The following RAPGEF5 variants were observed in gnomAD, a reference collection of about 807,000 sequenced individuals.
RAPGEF5 encodes M-Ras-regulated GEF.
In RAPGEF5, 65 loss-of-function variants were observed where a neutral mutation model predicts 125.2. That is an observed-to-expected ratio of 0.52 (90% CI 0.43 to 0.64). RAPGEF5 has a LOEUF of 0.64. RAPGEF5 is among the 30% of genes least tolerant of loss of function. The probability of loss-of-function intolerance (pLI) is 0.00; values close to 1 mark genes in which losing one functional copy is unlikely to be tolerated. For synonymous variants in RAPGEF5, 391 were observed against 385.9 expected, an observed-to-expected ratio of 1.01 and a Z score of -0.16; for missense variants, 958 against 1,048.1, an observed-to-expected ratio of 0.91 and a Z score of 1.19.
At chr7:22,148,356 T>C (rs536531212) in intron 18 of RAPGEF5, among the ~76,000 whole-genome samples, 6 of 152,346 alleles carry the variant, frequency 3.9e-5, no homozygotes, top group Middle Eastern at 3.4e-3. Context: ...CTCTATTTAT[T>C]CAAGGTTAAA....
chr7:22,337,516 C>T (rs904848141), intron 1 of RAPGEF5, among the ~76,000 whole-genome samples: 1 of 152,142 alleles, frequency 6.6e-6, no homozygotes, highest in East Asian at 1.9e-4. Flanking sequence ...CCCTCATAAT[C>T]CTAAACTTGT....
intron 8 of RAPGEF5, among the ~76,000 whole-genome samples, chr7:22,220,935 G>A (rs528208506): frequency 3.3e-5 from 5 of 152,190 alleles, no homozygotes; most frequent in South Asian, 2.1e-4. Flanking sequence ...CAAAGGGGCC[G>A]GCAAAGAATC....
intron 5 of RAPGEF5, among the ~76,000 whole-genome samples, chr7:22,303,874 C>T (rs1037156969): frequency 6.6e-6 from 1 of 152,182 alleles, no homozygotes; most frequent in Non-Finnish European, 1.5e-5. Flanking sequence ...GGGGCTTCCC[C>T]TTGAGGGCTG....
At chr7:22,339,099 G>A (rs1032015023) in intron 1 of RAPGEF5, among the ~76,000 whole-genome samples, 45 of 152,258 alleles carry the variant, frequency 3.0e-4, no homozygotes, top group African/African-American at 1.0e-3. Flanking sequence ...GGGAACACTC[G>A]ACTGGTAAGA....
chr7:22,125,025 T>C (rs775721680), intron 25 of RAPGEF5, among the ~76,000 whole-genome samples: 7 of 152,174 alleles, frequency 4.6e-5, no homozygotes, highest in Non-Finnish European at 1.0e-4. Context: ...ATAGTATAAA[T>C]TATGGCTGAG....
intron 1 of RAPGEF5, among the ~76,000 whole-genome samples, chr7:22,355,731 C>A (rs1363842036): frequency 1.3e-5 from 2 of 152,116 alleles, no homozygotes; most frequent in Non-Finnish European, 2.9e-5. Flanking sequence ...AAGCTGAAGA[C>A]CGACATCAGT....
chr7:22,339,687 T>C (rs1053654775), intron 1 of RAPGEF5, among the ~76,000 whole-genome samples: 6 of 152,236 alleles, frequency 3.9e-5, no homozygotes, highest in Non-Finnish European at 8.8e-5. Context: ...CTTTGTCTTG[T>C]GTTTAGCCTT....
At chr7:22,136,214 A>C in intron 22 of RAPGEF5, 89 bp from the exon 23 acceptor site, 1 of 943,920 alleles carries the variant, frequency 1.1e-6, no homozygotes, top group East Asian at 2.5e-5. Flanking sequence ...CAATTTGAAC[A>C]TAACTTAGAT....
At chr7:22,280,536 A>G (rs1399109557) in intron 6 of RAPGEF5, among the ~76,000 whole-genome samples, 1 of 152,200 alleles carries the variant, frequency 6.6e-6, no homozygotes, top group Admixed American at 6.5e-5. Flanking sequence ...GAGAAAGCTG[A>G]AAAAAGCTGT....
chr7:22,334,810 T>G (rs972059199), intron 1 of RAPGEF5, among the ~76,000 whole-genome samples: 21 of 152,252 alleles, frequency 1.4e-4, no homozygotes, highest in Non-Finnish European at 1.5e-5. Flanking sequence ...AAACCCTGGA[T>G]AGCTGGATCC....
intron 24 of RAPGEF5, among the ~76,000 whole-genome samples, chr7:22,127,108 G>A (rs548552324): frequency 1.7e-4 from 25 of 144,028 alleles, no homozygotes; most frequent in African/African-American, 3.6e-4. Context: ...GCGTGATCTC[G>A]GCTCACTGCA....
At chr7:22,168,078 A>G (rs997870800) in intron 11 of RAPGEF5, among the ~76,000 whole-genome samples, 1 of 129,596 alleles carries the variant, frequency 7.7e-6, no homozygotes, top group Non-Finnish European at 1.9e-5. Context: ...GTAATAAATT[A>G]TTAGAGTAAT....
chr7:22,335,420 CCT>C (rs1445104449), intron 1 of RAPGEF5, among the ~76,000 whole-genome samples: 1 of 152,086 alleles, frequency 6.6e-6, no homozygotes, highest in African/African-American at 2.4e-5. Context: ...CAGTCAGTTC[CCT>C]CTCTTCCCAC....
At chr7:22,133,986 A>G (rs1391901899) in intron 23 of RAPGEF5, among the ~76,000 whole-genome samples, 4 of 152,214 alleles carry the variant, frequency 2.6e-5, no homozygotes, top group African/African-American at 4.8e-5. Flanking sequence ...CTTAAACACC[A>G]AGGAGTTCAA....
intron 5 of RAPGEF5, among the ~76,000 whole-genome samples, chr7:22,305,254 A>C (rs1170144266): frequency 1.3e-5 from 2 of 152,200 alleles, no homozygotes; most frequent in Non-Finnish European, 2.9e-5. Flanking sequence ...AATGAATATA[A>C]AGCATTCAGC....
intron 1 of RAPGEF5, among the ~76,000 whole-genome samples, chr7:22,342,927 T>A (rs550988257): frequency 7.2e-5 from 11 of 152,354 alleles, no homozygotes; most frequent in South Asian, 6.2e-4. Flanking sequence ...TTCCAACCTC[T>A]GCCTGTTACC....
intron 1 of RAPGEF5, among the ~76,000 whole-genome samples, chr7:22,335,668 C>A (rs1219457043): frequency 1.4e-5 from 2 of 147,948 alleles, no homozygotes; most frequent in Admixed American, 1.4e-4. Context: ...GTTCTCCTTC[C>A]CTGAACCAAA....
At chr7:22,285,024 G>C (rs891228856) in intron 6 of RAPGEF5, among the ~76,000 whole-genome samples, 2 of 152,034 alleles carry the variant, frequency 1.3e-5, no homozygotes, top group Non-Finnish European at 2.9e-5. Context: ...GTTTAGCCTA[G>C]CCTGCCTTAA....
intron 1 of RAPGEF5, among the ~76,000 whole-genome samples, chr7:22,321,997 G>A (rs1418897190): frequency 2.0e-5 from 3 of 152,094 alleles, no homozygotes; most frequent in Non-Finnish European, 2.9e-5. Context: ...TTATCCAGTC[G>A]TCAAAGTTGG....
Sources: gnomAD v4.1 joint callset for allele counts (sites outside exome capture counted in the v4.1 genomes callset) on GRCh38, gnomAD v4.1.1 for gene constraint, MANE v1.5 for transcripts, NCBI Gene and HGNC (gene_info 2026-07-23, HGNC 2026-07-21) for gene names.